The following LIN9 variants were observed in gnomAD, a reference collection of about 807,000 sequenced individuals.
The protein encoded by LIN9 is protein lin-9 homolog.
Under a neutral mutation model 78.0 loss-of-function variants are expected in LIN9, and 18 were observed. The observed-to-expected ratio is 0.23, with a 90% CI of 0.16 to 0.34. The LOEUF is 0.34. Ranked by LOEUF, LIN9 falls within the 10% of genes least tolerant of loss-of-function variation. The probability of loss-of-function intolerance (pLI) is 1.00; values close to 1 mark genes in which losing one functional copy is unlikely to be tolerated. For synonymous variants in LIN9, 192 were observed against 215.2 expected (o/e 0.89, Z 0.94); for missense variants, 451 against 644.1 (o/e 0.70, Z 3.25).
intron 2 of LIN9, among the ~76,000 whole-genome samples, chr1:226,298,340 T>C (rs1662286655): frequency 6.6e-6 from 1 of 152,118 alleles, no homozygotes. Flanking sequence ...TCCCCAGTAG[T>C]GGGATTACAG....
chr1:226,250,094 C>T (rs929483584), intron 11 of LIN9, among the ~76,000 whole-genome samples: 3 of 150,850 alleles, frequency 2.0e-5, no homozygotes, highest in Non-Finnish European at 2.9e-5. Flanking sequence ...CACTTGAACC[C>T]GGGAGGTGGA....
chr1:226,287,312 G>A (rs569533007), intron 5 of LIN9, among the ~76,000 whole-genome samples: 1 of 152,256 alleles, frequency 6.6e-6, no homozygotes, highest in South Asian at 2.1e-4. Flanking sequence ...ATTAGTAATG[G>A]TTTCTCTATG....
Position 226,234,015 on chromosome 1 carries a change from T to G in LIN9, c.1246-492A>C, listed in dbSNP as rs75618141. 3.4e-3 allele frequency among the ~76,000 whole-genome samples: 523 copies of G among 152,336 alleles called. 2 individuals are homozygous for G. Among genetic ancestry groups the G allele is most frequent in the African/African-American group, 0.012 (487 of 41,580 alleles). ...TGATTAGACTGAAGTTATGCATTTTTGGGCAGAAATACTACAAATGTGGTG... is the reference window on the plus strand; with the variant it reads ...TGATTAGACTGAAGTTATGCATTTTGGGGCAGAAATACTACAAATGTGGTG... On this transcript the variant is annotated intron_variant, in intron 12 of 14. Coordinates refer to ENST00000681046, the MANE Select transcript of LIN9 (RefSeq NM_001366245.2).
intron 1 of LIN9, among the ~76,000 whole-genome samples, chr1:226,303,016 C>T (rs1408002896): frequency 1.3e-5 from 2 of 152,158 alleles, no homozygotes; most frequent in Admixed American, 1.3e-4. Context: ...TAACAGGACA[C>T]CATAAAAGCT....
At chr1:226,267,932 A>G (rs756357988) in intron 8 of LIN9, 25 bp downstream of exon 8, 5 of 1,601,062 alleles carry the variant, frequency 3.1e-6, no homozygotes, top group Non-Finnish European at 4.3e-6. Context: ...CATAAAACAC[A>G]AATGTATTAT....
At chr1:226,309,081 G>T (rs745337535) in intron 1 of LIN9, 28 bp downstream of exon 1, 2 of 1,246,918 alleles carry the variant, frequency 1.6e-6, no homozygotes, top group South Asian at 3.2e-5. Context: ...GGCGGGAAAA[G>T]GGGGGGGTGC....
At chr1:226,278,177 C>T (rs548905933) in intron 6 of LIN9, among the ~76,000 whole-genome samples, 141 of 152,236 alleles carry the variant, frequency 9.3e-4, no homozygotes, top group Non-Finnish European at 1.9e-3. Flanking sequence ...GCCTGTTATC[C>T]CAGCACTTTG....
At chr1:226,275,893 T>C (rs1019912373) in intron 7 of LIN9, among the ~76,000 whole-genome samples, 7 of 151,894 alleles carry the variant, frequency 4.6e-5, no homozygotes, top group African/African-American at 1.5e-4. Context: ...CCAGGCGTGG[T>C]GGCGGGTGCC....
Position 226,265,473 on chromosome 1 carries a change from A to G in LIN9, c.1038+60T>C. 5 of 1,057,970 alleles carry G rather than the reference A, an allele frequency of 4.7e-6. No homozygotes were observed. Among genetic ancestry groups the G allele is most frequent in the Non-Finnish European group, 7.1e-6 (5 of 704,328 alleles). The allele number at this position is 1,057,970 out of a possible 1,614,324, so 65.5% of individuals were successfully genotyped here. ...GGCCCTAGAAAAATTTTCAACTTTAATAACATAAAAGGCATTGAGTTTTTA... is the reference window on the plus strand; with the variant it reads ...GGCCCTAGAAAAATTTTCAACTTTAGTAACATAAAAGGCATTGAGTTTTTA... On this transcript the variant is annotated intron_variant, in intron 10 of 14. Transcript: ENST00000681046. This position sits in a 1 kb window ranked among gnomAD's most constrained non-coding sequence, Gnocchi z 4.1.
At chr1:226,253,944 A>G (rs1659020156) in intron 10 of LIN9, among the ~76,000 whole-genome samples, 1 of 151,920 alleles carries the variant, frequency 6.6e-6, no homozygotes, top group South Asian at 2.1e-4. Context: ...GAAAGAAATA[A>G]TAAGGCCGGG....
At chr1:226,289,441 C>T (rs955527156) in intron 4 of LIN9, among the ~76,000 whole-genome samples, 1 of 152,084 alleles carries the variant, frequency 6.6e-6, no homozygotes, top group African/African-American at 2.4e-5. Context: ...TTGCTCACTA[C>T]AGCCTTGACC....
At chr1:226,235,376 GA>G (rs1237738181) in intron 12 of LIN9, among the ~76,000 whole-genome samples, 1 of 139,352 alleles carries the variant, frequency 7.2e-6, no homozygotes, top group African/African-American at 2.7e-5. Context: ...GCCACCAAGA[GA>G]AAAAATTCTA....
intron 10 of LIN9, among the ~76,000 whole-genome samples, chr1:226,261,177 TATC>T (rs1423889242): frequency 6.6e-6 from 1 of 151,718 alleles, no homozygotes; most frequent in African/African-American, 2.4e-5. Context: ...TCATGTCTAA[TATC>T]ATACTTAATG....
intron 11 of LIN9, among the ~76,000 whole-genome samples, chr1:226,239,962 A>G (rs1558154440): frequency 6.6e-6 from 1 of 152,240 alleles, no homozygotes. Flanking sequence ...GCACTAAGGA[A>G]GCAAAATCGC....
Position 226,301,163 on chromosome 1 carries a change from T to C in LIN9, c.64+10A>G, listed in dbSNP as rs764624725. 38 of 1,595,068 alleles carry C rather than the reference T, an allele frequency of 2.4e-5. No individual in the cohort carries two copies. Among genetic ancestry groups the C allele is most frequent in the Non-Finnish European group, 3.0e-5 (35 of 1,172,784 alleles). Reference sequence around the variant, plus strand: ...AGCTATGGTATACCTAAAAATGCTATACTTCTTACCTTTTAAACTGACAAG... The same window carrying C: ...AGCTATGGTATACCTAAAAATGCTACACTTCTTACCTTTTAAACTGACAAG... On this transcript the variant is annotated intron_variant, in intron 2 of 14. Transcript: ENST00000681046.
At chr1:226,246,377 G>A (rs1658476808) in intron 11 of LIN9, among the ~76,000 whole-genome samples, 1 of 152,094 alleles carries the variant, frequency 6.6e-6, no homozygotes, top group Non-Finnish European at 1.5e-5. Context: ...CTGTGGAGAT[G>A]GTAGCTCTCA....
intron 7 of LIN9, among the ~76,000 whole-genome samples, chr1:226,270,118 G>A (rs1660173027): frequency 6.6e-6 from 1 of 151,888 alleles, no homozygotes; most frequent in Non-Finnish European, 1.5e-5. Flanking sequence ...GTAGAGACAG[G>A]GTGTCACATG....
chr1:226,301,306 T>C, intron 1 of LIN9, 101 bp from the exon 2 acceptor site: 3 of 808,692 alleles, frequency 3.7e-6, no homozygotes, highest in East Asian at 5.0e-5. Context: ...GTTTTAGTAA[T>C]GTTGAGTTTG....
chr1:226,295,726 G>A (rs1447474592), intron 4 of LIN9, 116 bp downstream of exon 4: 5 of 602,646 alleles, frequency 8.3e-6, no homozygotes, highest in South Asian at 2.5e-5. Flanking sequence ...CAGAGCAGCC[G>A]TACGAATTTA....
Sources: allele counts gnomAD v4.1 joint callset (sites outside exome capture counted in the v4.1 genomes callset), GRCh38; gene constraint gnomAD v4.1.1; non-coding constraint Gnocchi (gnomAD v3.1); transcripts MANE v1.5; gene names NCBI Gene and HGNC (gene_info 2026-07-23, HGNC 2026-07-21).